The following ZNF443 variants were observed in gnomAD, a reference collection of about 807,000 sequenced individuals.
The protein encoded by ZNF443 is Kruppel-type zinc finger (C2H2).
A neutral mutation model predicts 12.0 loss-of-function variants in ZNF443; 3 were observed. That is an observed-to-expected ratio of 0.25 (90% CI 0.11 to 0.64). ZNF443 has a LOEUF of 0.64. ZNF443 is among the 30% of genes least tolerant of loss of function. The pLI, the probability that ZNF443 is intolerant of heterozygous loss-of-function variation, is 0.84. For synonymous variants in ZNF443, 225 were observed against 265.9 expected (o/e 0.85, Z 1.50); for missense variants, 770 against 808.8 (o/e 0.95, Z 0.58).
chr19:12,430,611 GAGAA>G lies in ZNF443; in HGVS notation c.1557_1560del (p.Ser520AspfsTer27), dbSNP rs1568236788. 1 of 1,611,326 alleles carries G rather than the reference GAGAA, an allele frequency of 6.2e-7. No homozygotes were observed. Among genetic ancestry groups the G allele is most frequent in the East Asian group, 2.2e-5 (1 of 44,582 alleles). On this transcript the variant is annotated frameshift_variant, in exon 4 of 4. Transcript: ENST00000301547. LOFTEE classifies it low-confidence loss of function (END_TRUNC). Reference sequence around the variant, plus strand: ...TCTCCTGTGTGAGTCCTTTTATGTCGAGAAAGGTATCTGAAACGACTGAATGCTT... The same window carrying G: ...TCTCCTGTGTGAGTCCTTTTATGTCGAGGTATCTGAAACGACTGAATGCTT...
Position 12,431,349 on chromosome 19 carries a change from G to C in ZNF443, c.823C>G (p.His275Asp), listed in dbSNP as rs1182839998. Reference protein sequence around the residue: ...YSSYLRHERTHTGEKPYKCKQ... With the variant: ...YSSYLRHERTDTGEKPYKCKQ... ...CATTTATATGGTTTCTCCCCAGTAT[G>C]TGTTCTTTCATGTCTTAGATAGGAA... The change falls in exon 4 of 4, where the codon CAT becomes GAT. Residue 275 changes from histidine to aspartate, a missense_variant. Coordinates refer to ENST00000301547, the MANE Select transcript of ZNF443 (RefSeq NM_005815.5). 2 of 1,613,944 alleles carry C rather than the reference G, an allele frequency of 1.2e-6. No individual in the cohort carries two copies. The highest frequency in any genetic ancestry group is 2.7e-5 in the African/African-American group (2 of 74,920).
chr19:12,437,654 G>C (rs748134395), intron 1 of ZNF443, among the ~76,000 whole-genome samples: 23 of 152,054 alleles, frequency 1.5e-4, no homozygotes, highest in Non-Finnish European at 1.8e-4. Flanking sequence ...AGGACTGACA[G>C]AGTAGAATAA....
intron 1 of ZNF443, among the ~76,000 whole-genome samples, chr19:12,436,171 AAAT>A: frequency 7.4e-6 from 1 of 135,174 alleles, no homozygotes; most frequent in Non-Finnish European, 1.6e-5. Context: ...TACAGAGATA[AAAT>A]AATATCTATT....
chr19:12,430,423 C>G lies in ZNF443; in HGVS notation c.1749G>C (p.Met583Ile). 6.4e-7 allele frequency: 1 copy of G among 1,573,954 alleles called. No homozygotes were observed. The highest frequency in any genetic ancestry group is 8.6e-7 in the Non-Finnish European group (1 of 1,159,184). ...TCFLRHERIH[M>I]REKSYECPQC... ...GTGGACATTCATAGGATTTCTCTCTCATGTGAATTCTTTCATGTCGTAGAA... is the reference window on the plus strand; with the variant it reads ...GTGGACATTCATAGGATTTCTCTCTGATGTGAATTCTTTCATGTCGTAGAA... The change falls in exon 4 of 4, where the codon ATG becomes ATC. Residue 583 changes from methionine to isoleucine, a missense_variant. Physicochemically the swap from Met to Ile is conservative, Grantham distance 10. Coordinates refer to ENST00000301547, the MANE Select transcript of ZNF443 (RefSeq NM_005815.5).
At position 12,431,340 on chromosome 19, in the gene ZNF443, C is replaced by T. The variant is rs767457445; in HGVS notation, c.832G>A (p.Glu278Lys). 6.8e-6 allele frequency: 11 copies of T among 1,614,070 alleles called. No individual in the cohort carries two copies. In the Admixed American group the frequency reaches 1.0e-4, roughly 15 times the overall value. ...YLRHERTHTG[E>K]KPYKCKQCSK... ...CACTGCTTACATTTATATGGTTTCT[C>T]CCCAGTATGTGTTCTTTCATGTCTT... The change falls in exon 4 of 4, where the codon GAG becomes AAG. Residue 278 changes from glutamate (E) to lysine (K), a missense_variant. Physicochemically the swap from Glu to Lys is moderately conservative, Grantham distance 56. Around this residue, in one of 3 missense-constraint regions of ZNF443, gnomAD observed 736 missense variants for 689.4 expected, o/e 1.07. Transcript: ENST00000301547.
At position 12,430,660 on chromosome 19, in the gene ZNF443, A is replaced by C. The variant is rs1351958145; in HGVS notation, c.1512T>G (p.Tyr504Ter). The C allele has an allele frequency of 6.2e-7, 1 of 1,614,134 alleles. No individual in the cohort carries two copies. Among genetic ancestry groups the C allele is most frequent in the South Asian group, 1.1e-5 (1 of 91,076 alleles). Residue 504 changes from tyrosine (Y) to a stop codon, truncating the protein, a stop_gained, in exon 4 of 4, where the codon TAT becomes TAG. Transcript: ENST00000301547. LOFTEE classifies it low-confidence loss of function (END_TRUNC). The part of the protein sequence containing the change: ...HKTTHTGEKP[Y>*]ECKECGKAFS... ...ATGCTTTCCCACATTCCTTACACTC[A>C]TATGGCTTCTCTCCAGTGTGAGTTG...
At chr19:12,436,798 C>CAT (rs1970315479) in intron 1 of ZNF443, among the ~76,000 whole-genome samples, 1 of 150,840 alleles carries the variant, frequency 6.6e-6, no homozygotes, top group African/African-American at 2.4e-5. Context: ...TACACATATG[C>CAT]ATATATATGA....
At chr19:12,438,819 T>C (rs1051171976) in intron 1 of ZNF443, among the ~76,000 whole-genome samples, 8 of 152,244 alleles carry the variant, frequency 5.3e-5, no homozygotes, top group South Asian at 2.1e-4. Flanking sequence ...GTATTACTTA[T>C]AAAATTTATT....
intron 1 of ZNF443, among the ~76,000 whole-genome samples, chr19:12,434,015 T>C (rs1970284184): frequency 6.6e-6 from 1 of 152,194 alleles, no homozygotes; most frequent in South Asian, 2.1e-4. Flanking sequence ...CACCATGTGA[T>C]ACTCTATGCC....
intron 1 of ZNF443, among the ~76,000 whole-genome samples, chr19:12,436,812 G>A (rs1599622399): frequency 1.3e-5 from 2 of 150,996 alleles, no homozygotes; most frequent in East Asian, 1.9e-4. Flanking sequence ...TATATGAAGA[G>A]CATTAGAAAA....
Position 12,431,944 on chromosome 19 carries a change from A to C in ZNF443, c.228T>G (p.Asp76Glu). 2 of 1,593,698 alleles carry C rather than the reference A, an allele frequency of 1.3e-6. No homozygotes were observed. Among genetic ancestry groups the C allele is most frequent in the Non-Finnish European group, 1.7e-6 (2 of 1,171,592 alleles). Reference sequence around the variant, plus strand: ...TAGATGTTTCTCCACATTGAGTTCCATCTTTACTTTCAACAAATCTCTCTA... The same window carrying C: ...TAGATGTTTCTCCACATTGAGTTCCCTCTTTACTTTCAACAAATCTCTCTA... ...RMLERFVESK[D>E]GTQCGETSSQ... The change falls in exon 4 of 4, where the codon GAT becomes GAG. Residue 76 changes from aspartate to glutamate, a missense_variant. Physicochemically the swap from Asp to Glu is conservative, Grantham distance 45. Around this residue, in one of 3 missense-constraint regions of ZNF443, gnomAD observed 736 missense variants for 689.4 expected, o/e 1.07. Transcript: ENST00000301547.
rs377362543 is a variant in ZNF443, at chr19:12,430,465, G to C, written c.1707C>G (p.Phe569Leu). 5 of 1,604,568 alleles carry C rather than the reference G, an allele frequency of 3.1e-6. No homozygotes were observed. In the African/African-American group the frequency reaches 6.8e-5, roughly 22 times the overall value. Residue 569 changes from phenylalanine (F) to leucine (L), a missense_variant, in exon 4 of 4, where the codon TTC (phenylalanine) becomes TTG (leucine). Coordinates refer to ENST00000301547, the MANE Select transcript of ZNF443 (RefSeq NM_005815.5). ...PYECKECGKA[F>L]SWLTCFLRHE... ...GTCGTAGAAAGCAAGTGAGCCAAGAGAATGCTTTCCCACATTCCTTACATT... is the reference window on the plus strand; with the variant it reads ...GTCGTAGAAAGCAAGTGAGCCAAGACAATGCTTTCCCACATTCCTTACATT...
chr19:12,435,521 C>A (rs1970300274), intron 1 of ZNF443, among the ~76,000 whole-genome samples: 1 of 152,162 alleles, frequency 6.6e-6, no homozygotes, highest in Non-Finnish European at 1.5e-5. Context: ...CCCATGCATG[C>A]ACAGTAAAGA....
At position 12,431,349 on chromosome 19, in the gene ZNF443, G is replaced by T; in HGVS notation, c.823C>A (p.His275Asn). 2.5e-6 allele frequency: 4 copies of T among 1,614,064 alleles called. No individual in the cohort carries two copies. The highest frequency in any genetic ancestry group is 3.4e-6 in the Non-Finnish European group (4 of 1,179,952). Residue 275 changes from histidine to asparagine, a missense_variant, in exon 4 of 4, where the codon CAT becomes AAT. By Grantham distance (68) the His-to-Asn change is moderately conservative. Around this residue, in one of 3 missense-constraint regions of ZNF443, gnomAD observed 736 missense variants for 689.4 expected, o/e 1.07. Coordinates refer to ENST00000301547, the MANE Select transcript of ZNF443 (RefSeq NM_005815.5). ...YSSYLRHERT[H>N]TGEKPYKCKQ... Reference sequence around the variant, plus strand: ...CATTTATATGGTTTCTCCCCAGTATGTGTTCTTTCATGTCTTAGATAGGAA... The same window carrying T: ...CATTTATATGGTTTCTCCCCAGTATTTGTTCTTTCATGTCTTAGATAGGAA...
At chr19:12,435,023 G>C (rs1468950094) in intron 1 of ZNF443, among the ~76,000 whole-genome samples, 3 of 132,608 alleles carry the variant, frequency 2.3e-5, no homozygotes, top group South Asian at 4.9e-4. Flanking sequence ...ACATCACCCA[G>C]ACTGGAGTGC....
At chr19:12,440,426 A>G (rs537757744) in intron 1 of ZNF443, among the ~76,000 whole-genome samples, 2 of 152,308 alleles carry the variant, frequency 1.3e-5, no homozygotes, top group Admixed American at 6.5e-5. Flanking sequence ...CCCTCTCAGC[A>G]GAATGCGGTT....
At position 12,430,629 on chromosome 19, in the gene ZNF443, G is replaced by C. The variant is rs759861320; in HGVS notation, c.1543C>G (p.Arg515Gly). The stretch of plus-strand genomic sequence containing the variant: ...TTATGTCGAGAAAGGTATCTGAAAC[G>C]ACTGAATGCTTTCCCACATTCCTTA... ...ECKECGKAFS[R>G]FRYLSRHKRT... is the part of the protein sequence containing the mutation. Residue 515 changes from arginine (R) to glycine (G), a missense_variant, in exon 4 of 4, where the codon CGT (arginine) becomes GGT (glycine). Arg to Gly is a moderately radical substitution (Grantham distance 125). This residue lies in a region of ZNF443 where 736 missense variants were observed against 689.4 expected (regional missense o/e 1.07). Coordinates refer to ENST00000301547, the MANE Select transcript of ZNF443 (RefSeq NM_005815.5). 3 of 1,610,598 alleles carry C rather than the reference G, an allele frequency of 1.9e-6. No individual in the cohort carries two copies. Among genetic ancestry groups the C allele is most frequent in the Admixed American group, 1.7e-5 (1 of 59,754 alleles).
rs546838493 is a variant in ZNF443 at position 12,429,876 on chromosome 19, T to C, written c.*280A>G. 2.6e-5 allele frequency: 14 copies of C among 541,676 alleles called. No individual in the cohort carries two copies. The highest frequency in any genetic ancestry group is 2.3e-4 in the African/African-American group (12 of 53,192). The allele number at this position is 541,676 out of a possible 1,614,324, so 33.6% of individuals were successfully genotyped here. ...AGCTTTTATAATGCATGAGGTATTT[T>C]AAGTAATCTAGACATAATTGAGACT... On this transcript the variant is annotated 3_prime_UTR_variant, in exon 4 of 4. Coordinates refer to ENST00000301547, the MANE Select transcript of ZNF443 (RefSeq NM_005815.5).
intron 1 of ZNF443, among the ~76,000 whole-genome samples, chr19:12,434,474 A>C (rs185488529): frequency 3.3e-5 from 5 of 152,194 alleles, no homozygotes; most frequent in African/African-American, 1.2e-4. Flanking sequence ...AAGACTGCAT[A>C]TATTCTTAGA....
Sources: gnomAD v4.1 joint callset for allele counts (sites outside exome capture counted in the v4.1 genomes callset) on GRCh38, gnomAD v4.1.1 for gene constraint, gnomAD v4.1.1 regional missense constraint, MANE v1.5 for transcripts, NCBI Gene and HGNC (gene_info 2026-07-23, HGNC 2026-07-21) for gene names.